The following NKAIN3 variants were observed in gnomAD, a reference collection of about 807,000 sequenced individuals.
NKAIN3 encodes sodium/potassium-transporting ATPase subunit beta-1-interacting protein 3.
NKAIN3 carries 25 observed loss-of-function variants against 30.2 expected under a neutral mutation model. That is an observed-to-expected ratio of 0.83 (90% confidence interval 0.60 to 1.16). The LOEUF (loss-of-function observed/expected upper bound fraction) is 1.16, where lower values mean the gene tolerates loss of function less well. NKAIN3 is among the 50% of genes most tolerant of loss of function. The pLI, the probability that NKAIN3 is intolerant of heterozygous loss-of-function variation, is 0.00. For missense variants in NKAIN3, 225 were observed against 254.1 expected, an observed-to-expected ratio of 0.89 and a Z score of 0.78; for synonymous variants, 91 against 89.6, an observed-to-expected ratio of 1.02 and a Z score of -0.09.
chr8:62,927,006 G>A (rs1822469746), intron 5 of NKAIN3, among the ~76,000 whole-genome samples: 1 of 151,978 alleles, frequency 6.6e-6, no homozygotes, highest in Non-Finnish European at 1.5e-5. Context: ...TATAAACAAA[G>A]TCACATCAAC....
chr8:62,879,450 C>T (rs1333005298), intron 4 of NKAIN3, among the ~76,000 whole-genome samples: 1 of 152,148 alleles, frequency 6.6e-6, no homozygotes, highest in African/African-American at 2.4e-5. Context: ...AATTTTCTCC[C>T]ATTCTGTAGG....
At chr8:62,549,891 A>G (rs1809140872) in intron 1 of NKAIN3, among the ~76,000 whole-genome samples, 1 of 150,014 alleles carries the variant, frequency 6.7e-6, no homozygotes, top group South Asian at 2.2e-4. Context: ...AATACTCATG[A>G]AAAGAAAAAC....
chr8:62,780,268 A>G (rs934783225), intron 4 of NKAIN3, among the ~76,000 whole-genome samples: 2 of 152,168 alleles, frequency 1.3e-5, no homozygotes. Context: ...GAACAGTTAA[A>G]TAGTGAGTAA....
rs1347341264 is a variant in NKAIN3, at chr8:62,942,269, TACATATATATATAC to T, written c.533-11615_533-11602del. On this transcript the variant is annotated intron_variant, in intron 5 of 6. Coordinates refer to ENST00000623646, the MANE Select transcript of NKAIN3 (RefSeq NM_001304533.3). ...ATACATATATATATACACATATATA[TACATATATATATAC>T]ACATATATATATACACACAATACTT... Among the ~76,000 whole-genome samples, 136 of 146,092 alleles carry T rather than the reference TACATATATATATAC, an allele frequency of 9.3e-4. 1 individual carries two copies. The Middle Eastern group carries it at 0.018, about 19-fold the overall frequency.
chr8:62,778,387 C>T (rs1050486424), intron 4 of NKAIN3, among the ~76,000 whole-genome samples: 128 of 152,208 alleles, frequency 8.4e-4, no homozygotes, highest in African/African-American at 2.6e-3. Context: ...CTGTATGCTA[C>T]GGCAGCTGAG....
At chr8:62,451,298 C>T (rs1805634092) in intron 1 of NKAIN3, among the ~76,000 whole-genome samples, 1 of 145,988 alleles carries the variant, frequency 6.8e-6, no homozygotes, top group Admixed American at 6.9e-5. Context: ...CCTCCCCTCC[C>T]GTCCCCTCCC....
chr8:62,313,496 T>C (rs1814513602), intron 1 of NKAIN3, among the ~76,000 whole-genome samples: 1 of 152,138 alleles, frequency 6.6e-6, no homozygotes, highest in Non-Finnish European at 1.5e-5. Flanking sequence ...TAAACTTCAC[T>C]AGGATGTAAG....
chr8:62,533,489 T>G (rs1201211222), intron 1 of NKAIN3, among the ~76,000 whole-genome samples: 1 of 39,214 alleles, frequency 2.6e-5, no homozygotes, highest in Non-Finnish European at 5.4e-5. Context: ...GCTCATCTTC[T>G]CACCCCACCT....
chr8:62,587,399 T>C (rs1044177756), intron 2 of NKAIN3, among the ~76,000 whole-genome samples: 6 of 152,026 alleles, frequency 3.9e-5, no homozygotes, highest in Non-Finnish European at 7.4e-5. Flanking sequence ...ACACTAATTG[T>C]AAAATACTAA....
intron 1 of NKAIN3, among the ~76,000 whole-genome samples, chr8:62,534,930 A>G (rs1261631603): frequency 2.0e-5 from 3 of 149,434 alleles, no homozygotes; most frequent in Non-Finnish European, 4.4e-5. Context: ...GAAAGTGTTC[A>G]TGAGCAGCTT....
intron 6 of NKAIN3, among the ~76,000 whole-genome samples, chr8:62,956,214 C>T (rs141418377): frequency 7.8e-4 from 119 of 152,216 alleles, no homozygotes; most frequent in African/African-American, 2.7e-3. Context: ...ATATCACTAC[C>T]CAGCAACAGC....
In NKAIN3 at chr8:62,323,395, C is replaced by T. The variant is rs146488940; in HGVS notation, c.54+74268C>T. 5.8e-3 allele frequency among the ~76,000 whole-genome samples: 887 copies of T among 152,094 alleles called. 8 individuals are homozygous for T. Among genetic ancestry groups the T allele is most frequent in the African/African-American group, 0.02 (809 of 41,486 alleles). On this transcript the variant is annotated intron_variant, in intron 1 of 6. Transcript: ENST00000623646. The stretch of plus-strand genomic sequence containing the variant: ...GTGTGTAGTCAAAAATATTGAGGCA[C>T]GGGAAAGTTTTTAAAGACAAAATGA...
At chr8:62,585,014 C>A (rs2130084833) in intron 2 of NKAIN3, among the ~76,000 whole-genome samples, 1 of 152,296 alleles carries the variant, frequency 6.6e-6, no homozygotes, top group African/African-American at 2.4e-5. Context: ...ATAAATAAAT[C>A]AAAGTTTATT....
intron 1 of NKAIN3, among the ~76,000 whole-genome samples, chr8:62,384,507 A>C (rs952275271): frequency 6.6e-6 from 1 of 152,150 alleles, no homozygotes; most frequent in Non-Finnish European, 1.5e-5. Context: ...AATTTTTTCA[A>C]TATTTCTAGG....
At chr8:62,941,383 C>T (rs536567885) in intron 5 of NKAIN3, among the ~76,000 whole-genome samples, 1 of 151,986 alleles carries the variant, frequency 6.6e-6, no homozygotes, top group African/African-American at 2.4e-5. Context: ...AGAAGAAATT[C>T]TTCCTCAATC....
At chr8:62,471,058 T>C (rs1044649696) in intron 1 of NKAIN3, among the ~76,000 whole-genome samples, 2 of 152,192 alleles carry the variant, frequency 1.3e-5, no homozygotes, top group African/African-American at 4.8e-5. Flanking sequence ...CTAGTTTCTC[T>C]TGGATAGACA....
At chr8:62,644,580 G>T (rs1224484979) in intron 3 of NKAIN3, among the ~76,000 whole-genome samples, 1 of 152,024 alleles carries the variant, frequency 6.6e-6, no homozygotes, top group Non-Finnish European at 1.5e-5. Flanking sequence ...ACTTTTTAAA[G>T]GTTAGGTGAA....
At chr8:62,867,881 A>T (rs1820476282) in intron 4 of NKAIN3, among the ~76,000 whole-genome samples, 1 of 152,248 alleles carries the variant, frequency 6.6e-6, no homozygotes, top group African/African-American at 2.4e-5. Context: ...TTTTATGTGT[A>T]TGAGTATATT....
intron 3 of NKAIN3, among the ~76,000 whole-genome samples, chr8:62,731,617 G>A (rs1815469739): frequency 6.6e-6 from 1 of 152,076 alleles, no homozygotes; most frequent in Non-Finnish European, 1.5e-5. Flanking sequence ...AAGTTAGCTC[G>A]GGCTCCCATC....
Sources: gnomAD v4.1 joint callset for allele counts (sites outside exome capture counted in the v4.1 genomes callset) on GRCh38, gnomAD v4.1.1 for gene constraint, MANE v1.5 for transcripts, NCBI Gene and HGNC (gene_info 2026-07-23, HGNC 2026-07-21) for gene names.